The following AEN variants were observed in gnomAD, a reference collection of about 807,000 sequenced individuals.
The protein encoded by AEN is apoptosis enhancing nuclease.
Under a neutral mutation model 17.7 loss-of-function variants are expected in AEN, and 21 were observed. That is an observed-to-expected ratio of 1.19 (90% CI 0.84 to 1.71). The LOEUF is 1.71. Ranked by LOEUF, AEN falls within the 40% of genes most tolerant of loss-of-function variation. AEN has a pLI of 0.00. For synonymous variants in AEN, 190 were observed against 173.0 expected, an observed-to-expected ratio of 1.10 and a Z score of -0.77; for missense variants, 462 against 435.9, an observed-to-expected ratio of 1.06 and a Z score of -0.53.
chr15:88,605,855 T>C, the AEN span, among the ~76,000 whole-genome samples: 1 of 152,208 alleles, frequency 6.6e-6, no homozygotes, highest in African/African-American at 2.4e-5. The surrounding 1 kb of genome is among the most constrained non-coding windows in gnomAD (Gnocchi z 7.6). Flanking sequence ...AGGGTGCCCA[T>C]GGTCGGTGCC....
Position 88,630,862 on chromosome 15 carries a change from C to T in AEN, c.*568C>T, listed in dbSNP as rs376449113. On this transcript the variant is annotated 3_prime_UTR_variant, in exon 4 of 4. Coordinates refer to ENST00000332810, the MANE Select transcript of AEN (RefSeq NM_022767.4). This position sits in a 1 kb window ranked among gnomAD's most constrained non-coding sequence, Gnocchi z 5.1. ...TAAGTCCTAAAGGAGGCATTTCTTC[C>T]CCACCTCCCTGACCTGGAACTCTGG... 1.6e-4 allele frequency: 44 copies of T among 267,160 alleles called. No individual in the cohort carries two copies. The highest frequency in any genetic ancestry group is 9.2e-4 in the African/African-American group (42 of 45,540). 16.5% of individuals were successfully genotyped at this position (267,160 alleles called of 1,614,324 possible).
At chr15:88,619,162 C>A (rs550017025), upstream of AEN, among the ~76,000 whole-genome samples, 31 of 152,308 alleles carry the variant, frequency 2.0e-4, no homozygotes, top group South Asian at 6.4e-3. Context: ...CTTGCCCCGT[C>A]CTCAACAATA....
chr15:88,630,595 C>T lies in AEN; in HGVS notation c.*301C>T. 1 of 385,502 alleles carries T rather than the reference C, an allele frequency of 2.6e-6. No individual in the cohort carries two copies. Among genetic ancestry groups the T allele is most frequent in the Non-Finnish European group, 4.9e-6 (1 of 205,362 alleles). 23.9% of individuals were successfully genotyped at this position (385,502 alleles called of 1,614,324 possible). ...GGGCCCAGCAGGAGTAGGGAATGTG[C>T]CAACAGACTGCCCAGGTTGCCGTGG... On this transcript the variant is annotated 3_prime_UTR_variant, in exon 4 of 4. Coordinates refer to ENST00000332810, the MANE Select transcript of AEN (RefSeq NM_022767.4). The surrounding 1 kb of genome is among the most constrained non-coding windows in gnomAD (Gnocchi z 5.1).
At chr15:88,614,247 T>C in the AEN span, among the ~76,000 whole-genome samples, 1 of 152,174 alleles carries the variant, frequency 6.6e-6, no homozygotes, top group African/African-American at 2.4e-5. Flanking sequence ...TCACCCAGTC[T>C]AGAGTGCAGT....
the AEN span, among the ~76,000 whole-genome samples, chr15:88,612,104 A>C: frequency 6.6e-6 from 1 of 152,190 alleles, no homozygotes; most frequent in African/African-American, 2.4e-5. Context: ...GAAGTGGGGC[A>C]GGGTCTCTGT....
chr15:88,608,013 C>A, the AEN span: 1 of 456,140 alleles, frequency 2.2e-6, no homozygotes. Flanking sequence ...CCCATAGCAA[C>A]AGTTGTGTGG....
the AEN span, among the ~76,000 whole-genome samples, chr15:88,615,017 C>T: frequency 6.6e-6 from 1 of 152,160 alleles, no homozygotes; most frequent in East Asian, 1.9e-4. Context: ...GCGCCCGCCA[C>T]CACGCCCGGC....
the AEN span, among the ~76,000 whole-genome samples, chr15:88,605,810 C>T: frequency 9.2e-5 from 14 of 152,352 alleles, no homozygotes; most frequent in South Asian, 2.9e-3. The surrounding 1 kb of genome is among the most constrained non-coding windows in gnomAD (Gnocchi z 7.6). Flanking sequence ...GAGCCTGCAG[C>T]TTCAGCACCA....
chr15:88,625,978 A>C (rs1436775271), intron 1 of AEN, among the ~76,000 whole-genome samples, 168 bp from the exon 2 acceptor site: 1 of 149,516 alleles, frequency 6.7e-6, no homozygotes, highest in Non-Finnish European at 1.5e-5. Flanking sequence ...TTACAGTATG[A>C]ATGCTTTTAT....
At chr15:88,622,787 C>G (rs1489251796) in intron 1 of AEN, among the ~76,000 whole-genome samples, 1 of 152,134 alleles carries the variant, frequency 6.6e-6, no homozygotes, top group Admixed American at 6.5e-5. Flanking sequence ...TGCGTGGCGC[C>G]GGGCTGCCTG....
At position 88,630,526 on chromosome 15, in the gene AEN, G is replaced by A. The variant is rs1037478779; in HGVS notation, c.*232G>A. 1 of 542,386 alleles carries A rather than the reference G, an allele frequency of 1.8e-6. No homozygotes were observed. Among genetic ancestry groups the A allele is most frequent in the Non-Finnish European group, 3.3e-6 (1 of 300,150 alleles). The allele number at this position is 542,386 out of a possible 1,614,324, so 33.6% of individuals were successfully genotyped here. A position where few individuals can be genotyped will look rare whatever the true frequency, so the allele number is the denominator to read the frequency against. On this transcript the variant is annotated 3_prime_UTR_variant, in exon 4 of 4. Transcript: ENST00000332810. The surrounding 1 kb of genome is among the most constrained non-coding windows in gnomAD (Gnocchi z 5.1). ...TCTGACTCCTGTGGTTTTGCTAATG[G>A]CACTTTACAGACTCCATGGAGATGT...
the AEN span, among the ~76,000 whole-genome samples, chr15:88,606,493 G>A: frequency 6.6e-6 from 1 of 152,094 alleles, no homozygotes. Context: ...GATAGCGGAG[G>A]GAGAGGCGCT....
chr15:88,624,108 C>T (rs570805352), intron 1 of AEN, among the ~76,000 whole-genome samples: 1 of 152,372 alleles, frequency 6.6e-6, no homozygotes, highest in East Asian at 1.9e-4. Context: ...TGCTTCAGCC[C>T]TTAACACACT....
chr15:88,617,447 T>G (rs2057747419), upstream of AEN, among the ~76,000 whole-genome samples: 1 of 152,136 alleles, frequency 6.6e-6, no homozygotes, highest in African/African-American at 2.4e-5. Context: ...GAGACAGGAT[T>G]TCACCATGTT....
At chr15:88,622,929 C>T (rs2057806561) in intron 1 of AEN, among the ~76,000 whole-genome samples, 1 of 152,222 alleles carries the variant, frequency 6.6e-6, no homozygotes. Flanking sequence ...GGACTACTTT[C>T]CTCTCTTGAA....
chr15:88,606,649 C>A, the AEN span, among the ~76,000 whole-genome samples: 2,425 of 152,274 alleles, frequency 0.016, 23 homozygotes, highest in Non-Finnish European at 0.025. Flanking sequence ...TCAGTGAGCA[C>A]CTTGACTATT....
chr15:88,620,696 C>T (rs2057775958), upstream of AEN, among the ~76,000 whole-genome samples: 1 of 152,082 alleles, frequency 6.6e-6, no homozygotes, highest in Non-Finnish European at 1.5e-5. Flanking sequence ...TCGTGAGCCA[C>T]CGCGCCCCGG....
In AEN at chr15:88,626,373, T is replaced by C; in HGVS notation, c.164T>C (p.Met55Thr). The C allele has an allele frequency of 6.2e-7, 1 of 1,612,948 alleles. No individual in the cohort carries two copies. Among genetic ancestry groups the C allele is most frequent in the Non-Finnish European group, 8.5e-7 (1 of 1,179,654 alleles). The part of the protein sequence containing the change: ...ALLQEQGLLS[M>T]PPEPGSSPLP... ...CTGCAGGAGCAGGGGCTGCTGAGCATGCCTCCAGAACCAGGGTCCTCCCCA... is the reference window on the plus strand; with the variant it reads ...CTGCAGGAGCAGGGGCTGCTGAGCACGCCTCCAGAACCAGGGTCCTCCCCA... Residue 55 changes from methionine to threonine, a missense_variant, in exon 2 of 4, where the codon ATG (methionine) becomes ACG (threonine). Coordinates refer to ENST00000332810, the MANE Select transcript of AEN (RefSeq NM_022767.4).
At chr15:88,621,928 G>C (rs893964300) in intron 1 of AEN, 3 of 152,186 alleles carry the variant, frequency 2.0e-5, no homozygotes, top group Non-Finnish European at 4.4e-5. Context: ...GAGTGGGCCT[G>C]AAAATCAGCC....
Sources: allele counts gnomAD v4.1 joint callset (sites outside exome capture counted in the v4.1 genomes callset), GRCh38; gene constraint gnomAD v4.1.1; non-coding constraint Gnocchi (gnomAD v3.1); transcripts MANE v1.5; gene names NCBI Gene and HGNC (gene_info 2026-07-23, HGNC 2026-07-21).